The following ELAPOR2 variants were observed in gnomAD, a reference collection of about 807,000 sequenced individuals.
ELAPOR2 encodes the protein endosome/lysosome-associated apoptosis and autophagy regulator family member 2.
Under a neutral mutation model 120.7 loss-of-function variants are expected in ELAPOR2, and 89 were observed. The ratio of observed to expected loss-of-function variants is 0.74; its 90% CI spans 0.62 to 0.88. The LOEUF is 0.88. ELAPOR2 is among the 40% of genes least tolerant of loss of function. The pLI is 0.00. For synonymous variants in ELAPOR2, 444 were observed against 444.9 expected (o/e 1.00, Z 0.03); for missense variants, 1,134 against 1,251.6 (o/e 0.91, Z 1.42).
rs558710986 is a variant in ELAPOR2, at chr7:87,037,368, C to T, written c.189+21957G>A. On this transcript the variant is annotated intron_variant, in intron 1 of 21. Coordinates refer to ENST00000450689, the MANE Select transcript of ELAPOR2 (RefSeq NM_001142749.3). ...TTCCCGCCCCCACCACCACCTCCTC[C>T]TTTTCCTTCTCTCAATTTTTTTATC... 1.1e-4 allele frequency among the ~76,000 whole-genome samples: 17 copies of T among 152,060 alleles called. No individual in the cohort carries two copies. The South Asian group carries it at 3.5e-3, about 32-fold the overall frequency.
chr7:87,048,193 G>A (rs1010267468), intron 1 of ELAPOR2, among the ~76,000 whole-genome samples: 11 of 151,210 alleles, frequency 7.3e-5, no homozygotes, highest in African/African-American at 2.4e-4. Flanking sequence ...GCAGTGAGCC[G>A]AGATTGCACC....
chr7:86,902,127 A>C (rs966328272), intron 18 of ELAPOR2, among the ~76,000 whole-genome samples: 1 of 152,030 alleles, frequency 6.6e-6, no homozygotes, highest in African/African-American at 2.4e-5. Context: ...CTGCATCCTC[A>C]TGTGGTGGAA....
chr7:87,005,037 T>A (rs1043634026), intron 1 of ELAPOR2, among the ~76,000 whole-genome samples: 1 of 152,114 alleles, frequency 6.6e-6, no homozygotes, highest in Non-Finnish European at 1.5e-5. Flanking sequence ...TTGTATGGGC[T>A]GAGTGCAAGG....
At chr7:87,042,974 T>A (rs879740595) in intron 1 of ELAPOR2, among the ~76,000 whole-genome samples, 3 of 152,176 alleles carry the variant, frequency 2.0e-5, no homozygotes, top group Non-Finnish European at 2.9e-5. Flanking sequence ...CAGTGAATAC[T>A]ACAAACACCT....
intron 1 of ELAPOR2, among the ~76,000 whole-genome samples, chr7:86,980,501 T>C (rs1792430144): frequency 6.6e-6 from 1 of 152,120 alleles, no homozygotes; most frequent in Non-Finnish European, 1.5e-5. Flanking sequence ...ACCTTCCCAC[T>C]CTCCTCATGA....
rs78855086 is a variant in ELAPOR2 at position 87,030,759 on chromosome 7, T to C, written c.189+28566A>G. 2.7e-3 allele frequency among the ~76,000 whole-genome samples: 410 copies of C among 152,318 alleles called. 1 individual carries two copies. The highest frequency in any genetic ancestry group is 9.5e-3 in the African/African-American group (395 of 41,578). ...AGCTGTACCAATCAAGTACTCTCTG[T>C]ATGTCATTTCTTATTTTCTCGTTAT... is the stretch of plus-strand genomic sequence containing the variant. On this transcript the variant is annotated intron_variant, in intron 1 of 21. Coordinates refer to ENST00000450689, the MANE Select transcript of ELAPOR2 (RefSeq NM_001142749.3).
At chr7:86,999,909 G>A (rs1290358354) in intron 1 of ELAPOR2, among the ~76,000 whole-genome samples, 1 of 152,022 alleles carries the variant, frequency 6.6e-6, no homozygotes, top group African/African-American at 2.4e-5. Context: ...TTTAAAATCA[G>A]ACTAATTTCG....
intron 1 of ELAPOR2, among the ~76,000 whole-genome samples, chr7:86,991,983 G>A (rs558029654): frequency 2.0e-5 from 3 of 152,334 alleles, no homozygotes; most frequent in African/African-American, 7.2e-5. Context: ...AACTAGGCAT[G>A]TTGCCCAGGT....
chr7:86,899,088 A>C (rs899248858), intron 18 of ELAPOR2, among the ~76,000 whole-genome samples: 1 of 152,168 alleles, frequency 6.6e-6, no homozygotes, highest in Non-Finnish European at 1.5e-5. Flanking sequence ...GCTTAGACAC[A>C]GGGATAGGAT....
intron 1 of ELAPOR2, among the ~76,000 whole-genome samples, chr7:86,975,464 AC>A (rs1293738692): frequency 4.6e-5 from 7 of 152,198 alleles, no homozygotes; most frequent in African/African-American, 7.2e-5. Context: ...CCCTAATAAT[AC>A]CTCTGTCATA....
intron 1 of ELAPOR2, among the ~76,000 whole-genome samples, chr7:87,041,916 G>T (rs190615340): frequency 2.0e-5 from 3 of 151,906 alleles, no homozygotes; most frequent in Admixed American, 2.0e-4. Context: ...GATGGAGGAA[G>T]ATCTACCAAG....
intron 1 of ELAPOR2, among the ~76,000 whole-genome samples, chr7:87,006,609 T>C (rs970968090): frequency 7.2e-5 from 11 of 152,298 alleles, no homozygotes; most frequent in Admixed American, 2.0e-4. Context: ...ATCTTGCAGA[T>C]AGGAATGAAA....
At chr7:87,042,376 G>C (rs952311243) in intron 1 of ELAPOR2, among the ~76,000 whole-genome samples, 1 of 150,706 alleles carries the variant, frequency 6.6e-6, no homozygotes, top group African/African-American at 2.5e-5. Flanking sequence ...GCTCTCCTCA[G>C]CAAATGTAAA....
chr7:86,905,182 AAGAGAGAG>A (rs147886977), intron 18 of ELAPOR2, among the ~76,000 whole-genome samples: 15 of 143,444 alleles, frequency 1.0e-4, no homozygotes, highest in South Asian at 4.5e-4. Flanking sequence ...GAAAGAGAGA[AAGAGAGAG>A]AGAGAGAGAG....
At chr7:87,008,927 A>C (rs548462220) in intron 1 of ELAPOR2, among the ~76,000 whole-genome samples, 1 of 152,312 alleles carries the variant, frequency 6.6e-6, no homozygotes, top group East Asian at 1.9e-4. Flanking sequence ...GAATCGGGGA[A>C]ACATAAGTGA....
chr7:86,926,096 C>T (rs1182169407), intron 9 of ELAPOR2, among the ~76,000 whole-genome samples: 1 of 151,912 alleles, frequency 6.6e-6, no homozygotes, highest in Non-Finnish European at 1.5e-5. Flanking sequence ...AATATTAATA[C>T]CATTTATGAA....
intron 6 of ELAPOR2, among the ~76,000 whole-genome samples, chr7:86,939,350 T>C (rs1790705418): frequency 6.6e-6 from 1 of 152,128 alleles, no homozygotes; most frequent in Non-Finnish European, 1.5e-5. Flanking sequence ...GACCTAGGAA[T>C]GGCTTGACTT....
At chr7:86,971,350 C>G (rs890819850) in intron 1 of ELAPOR2, among the ~76,000 whole-genome samples, 2 of 152,122 alleles carry the variant, frequency 1.3e-5, no homozygotes, top group Admixed American at 1.3e-4. Context: ...AAAAAATGAA[C>G]ATTCTAAAAC....
chr7:87,020,426 G>A (rs1315453226), intron 1 of ELAPOR2, among the ~76,000 whole-genome samples: 1 of 152,030 alleles, frequency 6.6e-6, no homozygotes, highest in Non-Finnish European at 1.5e-5. Flanking sequence ...TACATAAAAT[G>A]AAATATTTTT....
Sources: allele counts gnomAD v4.1 joint callset (sites outside exome capture counted in the v4.1 genomes callset), GRCh38; gene constraint gnomAD v4.1.1; transcripts MANE v1.5; gene names NCBI Gene and HGNC (gene_info 2026-07-23, HGNC 2026-07-21).